Variants in C2CD3 observed in about 807,000 individuals in gnomAD.
C2CD3 encodes C2 domain-containing protein 3.
A neutral mutation model predicts 234.0 loss-of-function variants in C2CD3; 148 were observed. The ratio of observed to expected loss-of-function variants is 0.63; its 90% confidence interval spans 0.55 to 0.72. The LOEUF (loss-of-function observed/expected upper bound fraction) is 0.72. C2CD3 is among the 30% of genes least tolerant of loss of function. The probability of loss-of-function intolerance (pLI) is 0.00; values close to 1 mark genes in which losing one functional copy is unlikely to be tolerated. For synonymous variants in C2CD3, 1,000 were observed against 1,035.4 expected (o/e 0.97, Z 0.66); for missense variants, 2,577 against 2,811.5 (o/e 0.92, Z 1.89).
Position 74,034,166 on chromosome 11 carries a change from T to G in C2CD3, c.5994A>C (p.Gln1998His). The G allele has an allele frequency of 6.5e-7, 1 of 1,536,246 alleles. No individual in the cohort carries two copies. The highest frequency in any genetic ancestry group is 8.7e-7 in the Non-Finnish European group (1 of 1,146,924). Residue 1998 changes from glutamine (Q) to histidine (H), a missense_variant, in exon 31 of 33, where the codon CAA (glutamine) becomes CAC (histidine). By Grantham distance (24) the Gln-to-His change is conservative. Coordinates refer to ENST00000334126, the MANE Select transcript of C2CD3 (RefSeq NM_001286577.2). ...GCTCATCTGGCATTGTGCATCGTTC[T>G]TGCAGTGCTTCTGTGTCCTGAGCAT... ...LPDAQDTEAL[Q>H]ERCTMPDEPL...
chr11:74,082,043 G>A (rs1239004741), intron 22 of C2CD3, among the ~76,000 whole-genome samples: 3 of 152,096 alleles, frequency 2.0e-5, no homozygotes, highest in African/African-American at 4.8e-5. Context: ...AATGGTGAGA[G>A]AGGGCATCCC....
Position 74,120,697 on chromosome 11 carries a change from T to A in C2CD3, c.1365+2291A>T, listed in dbSNP as rs140043981. On this transcript the variant is annotated intron_variant, in intron 8 of 32. Transcript: ENST00000334126. ...TTCTAGTTCTAGATCCTTGAGGAAT[T>A]GCCACATTGCCTTCCACAATGGTTG... 1.2e-3 allele frequency among the ~76,000 whole-genome samples: 183 copies of A among 152,320 alleles called. 1 individual carries two copies. Among genetic ancestry groups the A allele is most frequent in the African/African-American group, 4.4e-3 (181 of 41,568 alleles).
At chr11:74,071,758 G>C (rs539591869) in intron 24 of C2CD3, among the ~76,000 whole-genome samples, 1 of 152,182 alleles carries the variant, frequency 6.6e-6, no homozygotes, top group African/African-American at 2.4e-5. Flanking sequence ...CATTTCCTTT[G>C]AGCACCAAGT....
At chr11:74,015,521 T>C (rs1951847012) in intron 32 of C2CD3, among the ~76,000 whole-genome samples, 1 of 152,184 alleles carries the variant, frequency 6.6e-6, no homozygotes, top group Non-Finnish European at 1.5e-5. Flanking sequence ...CAGGTAGATT[T>C]TCTGGGTCAT....
At chr11:74,153,766 A>G (rs1188120329) in intron 3 of C2CD3, among the ~76,000 whole-genome samples, 8 of 152,204 alleles carry the variant, frequency 5.3e-5, no homozygotes, top group Admixed American at 1.3e-4. Flanking sequence ...TAGAGGGCTC[A>G]GAGTATCTTA....
At chr11:74,021,916 A>G (rs1030615022) in intron 32 of C2CD3, among the ~76,000 whole-genome samples, 1 of 152,216 alleles carries the variant, frequency 6.6e-6, no homozygotes, top group Non-Finnish European at 1.5e-5. Context: ...ACTTGAGGTC[A>G]GGAGTTCGAG....
chr11:74,119,029 C>T (rs1265547092), intron 8 of C2CD3, among the ~76,000 whole-genome samples: 1 of 151,786 alleles, frequency 6.6e-6, no homozygotes, highest in East Asian at 1.9e-4. Flanking sequence ...CTTACCTCAG[C>T]CTCCCAAGTA....
Position 74,139,664 on chromosome 11 carries a change from ATG to A in C2CD3, c.646_647del (p.His216TyrfsTer5). ...FQVPSRPRDI[H>X]TIKIDGKELA... ...ACTCTTTTCCATCAATTTTGATGGT[ATG>A]TATGTCGCGAGGCCTTGATGGAACC... On this transcript the variant is annotated frameshift_variant, in exon 4 of 33. Transcript: ENST00000334126. LOFTEE classifies it high-confidence loss of function. The A allele has an allele frequency of 6.2e-7, 1 of 1,614,000 alleles. No individual in the cohort carries two copies. Among genetic ancestry groups the A allele is most frequent in the Non-Finnish European group, 8.5e-7 (1 of 1,179,900 alleles).
At chr11:74,054,553 G>T in intron 26 of C2CD3, 54 bp downstream of exon 26, 1 of 865,958 alleles carries the variant, frequency 1.2e-6, no homozygotes, top group Non-Finnish European at 1.9e-6. Flanking sequence ...ATTGTTAACA[G>T]GATGTGAGCT....
At chr11:74,022,434 GA>G (rs1226212744) in intron 32 of C2CD3, among the ~76,000 whole-genome samples, 1 of 152,176 alleles carries the variant, frequency 6.6e-6, no homozygotes, top group Non-Finnish European at 1.5e-5. Context: ...AGACGTCTAG[GA>G]TGCAGGTGGG....
At chr11:74,048,709 G>A (rs1189543489) in intron 27 of C2CD3, among the ~76,000 whole-genome samples, 2 of 152,180 alleles carry the variant, frequency 1.3e-5, no homozygotes, top group Non-Finnish European at 2.9e-5. Context: ...GGGTTGGGCC[G>A]AAGAAATGAC....
chr11:74,058,886 T>C (rs1342371445), intron 24 of C2CD3, among the ~76,000 whole-genome samples: 1 of 152,158 alleles, frequency 6.6e-6, no homozygotes, highest in Admixed American at 6.5e-5. Flanking sequence ...ACTAGCCATA[T>C]TTCAAGTGCT....
intron 22 of C2CD3, among the ~76,000 whole-genome samples, chr11:74,082,993 TAAGCAAAAAGAACA>T (rs1326382563): frequency 6.6e-6 from 1 of 152,310 alleles, no homozygotes; most frequent in East Asian, 1.9e-4. Flanking sequence ...AAGACAATCC[TAAGCAAAAAGAACA>T]AAGCTGGAGG....
chr11:74,034,696 CA>C lies in C2CD3; in HGVS notation c.5882-419del, dbSNP rs1329583438. 2.8e-6 allele frequency: 3 copies of C among 1,074,382 alleles called. No individual in the cohort carries two copies. In the African/African-American group the frequency reaches 4.7e-5, roughly 17 times the overall value. The allele number at this position is 1,074,382 out of a possible 1,614,324, so 66.6% of individuals were successfully genotyped here. ...ACCTATTTTACTTCGAAAATAAAAG[CA>C]AGGAAATATCTATCACCCATATGAT... On this transcript the variant is annotated intron_variant, in intron 30 of 32. Coordinates refer to ENST00000334126, the MANE Select transcript of C2CD3 (RefSeq NM_001286577.2).
intron 30 of C2CD3, 155 bp from the exon 31 acceptor site, chr11:74,034,433 T>G: frequency 1.3e-6 from 2 of 1,534,510 alleles, no homozygotes; most frequent in East Asian, 4.9e-5. Flanking sequence ...GAGACTATAT[T>G]CAAGGCGGTA....
chr11:74,079,766 A>T (rs1955250734), intron 22 of C2CD3, among the ~76,000 whole-genome samples: 1 of 152,032 alleles, frequency 6.6e-6, no homozygotes, highest in Admixed American at 6.6e-5. Context: ...TCTACATTCC[A>T]CCTAGTATAG....
At chr11:74,165,250 G>A (rs1856729820) in intron 2 of C2CD3, among the ~76,000 whole-genome samples, 1 of 151,676 alleles carries the variant, frequency 6.6e-6, no homozygotes, top group Non-Finnish European at 1.5e-5. Flanking sequence ...CCTCTCTCCA[G>A]CCTAGAAAAA....
At chr11:74,117,416 G>T (rs1272472509) in intron 9 of C2CD3, among the ~76,000 whole-genome samples, 1 of 122,354 alleles carries the variant, frequency 8.2e-6, no homozygotes, top group African/African-American at 3.2e-5. Flanking sequence ...CTATAAAAAG[G>T]AAATGAAATA....
At chr11:74,098,777 C>T (rs1336918292) in intron 15 of C2CD3, among the ~76,000 whole-genome samples, 2 of 152,156 alleles carry the variant, frequency 1.3e-5, no homozygotes, top group Non-Finnish European at 2.9e-5. Context: ...AGTAACTTAG[C>T]TAAGGATACA....
Sources: allele counts gnomAD v4.1 joint callset (sites outside exome capture counted in the v4.1 genomes callset), GRCh38; gene constraint gnomAD v4.1.1; transcripts MANE v1.5; gene names NCBI Gene and HGNC (gene_info 2026-07-23, HGNC 2026-07-21).